The following MYH6 variants were observed in gnomAD, a reference collection of about 807,000 sequenced individuals.
MYH6 encodes the protein myosin heavy chain 6.
MYH6 carries 126 observed loss-of-function variants against 223.2 expected under a neutral mutation model. The observed-to-expected ratio is 0.56, with a 90% CI of 0.49 to 0.65. MYH6 has a LOEUF of 0.65. MYH6 is among the 30% of genes least tolerant of loss of function. The probability of loss-of-function intolerance (pLI) is 0.00; values close to 1 mark genes in which losing one functional copy is unlikely to be tolerated. For synonymous variants in MYH6, 978 were observed against 1,010.2 expected (o/e 0.97, Z 0.61); for missense variants, 2,040 against 2,536.4 (o/e 0.80, Z 4.20).
At chr14:23,408,210 T>C in intron 1 of MYH6, 43 bp downstream of exon 1, 1 of 985,132 alleles carries the variant, frequency 1.0e-6, no homozygotes, top group Non-Finnish European at 1.2e-6. Context: ...GTGGGGGCTC[T>C]GTGGACGGGC....
chr14:23,400,201 C>T lies in MYH6; in HGVS notation c.1581+55G>A, dbSNP rs768580082. On this transcript the variant is annotated intron_variant, in intron 14 of 38. Transcript: ENST00000405093. ...CTTGGGTGTAGAAGGGACTCAGCCA[C>T]CACTTTGTCTGGATGGCAGAGGAGG... The T allele has an allele frequency of 3.1e-6, 5 of 1,613,420 alleles. No individual in the cohort carries two copies. In the African/African-American group the frequency reaches 6.7e-5, roughly 22 times the overall value.
chr14:23,383,339 G>GGGGGCCCCCCCCC lies in MYH6; in HGVS notation c.5566-20_5566-19insGGGGGGGGGCCCC. 1.8e-5 allele frequency: 2 copies of GGGGGCCCCCCCCC among 108,160 alleles called. No homozygotes were observed. The highest frequency in any genetic ancestry group is 3.7e-5 in the Non-Finnish European group (2 of 54,354). 6.7% of individuals were successfully genotyped at this position (108,160 alleles called of 1,614,324 possible). ...CCTCTGTCTGGGGGTGGGAGGGTGG[G>GGGGGCCCCCCCCC]AGAAGCTGGTTTGGAGGGGGAGCAA... On this transcript the variant is annotated intron_variant, in intron 36 of 38. Coordinates refer to ENST00000405093, the MANE Select transcript of MYH6 (RefSeq NM_002471.4).
chr14:23,392,649 CT>C lies in MYH6; in HGVS notation c.3254del (p.Lys1085ArgfsTer26). 1 of 1,426,486 alleles carries C rather than the reference CT, an allele frequency of 7.0e-7. No homozygotes were observed. The highest frequency in any genetic ancestry group is 9.9e-7 in the Non-Finnish European group (1 of 1,013,944). 88.4% of individuals were successfully genotyped at this position (1,426,486 alleles called of 1,614,324 possible). A position where few individuals can be genotyped will look rare whatever the true frequency, so the allele number is the denominator to read the frequency against. On this transcript the variant is annotated frameshift_variant and splice_region_variant, in exon 25 of 39. Coordinates refer to ENST00000405093, the MANE Select transcript of MYH6 (RefSeq NM_002471.4). LOFTEE classifies it high-confidence loss of function. ...KLQLEEKLKK[K>X]EFDINQQNSK... is the part of the protein sequence containing the mutation. Reference sequence around the variant, plus strand: ...TGTTCTGCTGATTAATGTCAAACTCCTTCCTGCAGGAGAAGGGTGGGGGTGG... The same window carrying C: ...TGTTCTGCTGATTAATGTCAAACTCCTCCTGCAGGAGAAGGGTGGGGGTGG...
intron 31 of MYH6, 44 bp downstream of exon 31, chr14:23,387,714 C>G (rs1184506748): frequency 2.5e-6 from 4 of 1,613,928 alleles, no homozygotes; most frequent in Non-Finnish European, 1.7e-6. Context: ...GCATGGCCCT[C>G]CCTCCCACCA....
chr14:23,389,749 G>T, intron 26 of MYH6, 30 bp from the exon 27 acceptor site: 1 of 1,614,176 alleles, frequency 6.2e-7, no homozygotes, highest in Non-Finnish European at 8.5e-7. Context: ...AAGGGTGAGT[G>T]TGGGAGGGGC....
rs1175791487 is a variant in MYH6 at position 23,400,310 on chromosome 14, C to T, written c.1527G>A (p.Trp509Ter). Reference sequence around the variant, plus strand: ...GGTCCATGCCAAAGTCAATGAATGTCCACTCAATGCCCTCCTTCTTGTACT... The same window carrying T: ...GGTCCATGCCAAAGTCAATGAATGTTCACTCAATGCCCTCCTTCTTGTACT... Reference protein sequence around the residue: ...QEEYKKEGIEWTFIDFGMDLQ... With the variant: ...QEEYKKEGIE The change falls in exon 14 of 39, where the codon TGG becomes TGA. Residue 509 changes from tryptophan (W) to a stop codon, truncating the protein, a stop_gained. Coordinates refer to ENST00000405093, the MANE Select transcript of MYH6 (RefSeq NM_002471.4). LOFTEE classifies it high-confidence loss of function. 6.2e-7 allele frequency: 1 copy of T among 1,614,216 alleles called. No homozygotes were observed. Among genetic ancestry groups the T allele is most frequent in the East Asian group, 2.2e-5 (1 of 44,880 alleles).
In MYH6 at chr14:23,389,462, C is replaced by G. The variant is rs572682388; in HGVS notation, c.3909G>C (p.Leu1303=). ...GGGTATAAGAGAGCTTCCCCCGGGT[C>G]AGCTGCGAGATTAGCGCCTCCTTTT... ...LEEKEALISQ[L]TRGKLSYTQQ... Residue 1303 remains leucine, a synonymous_variant, in exon 28 of 39, where the codon CTG becomes CTC. Coordinates refer to ENST00000405093, the MANE Select transcript of MYH6 (RefSeq NM_002471.4). 4.6e-5 allele frequency: 74 copies of G among 1,614,210 alleles called. No homozygotes were observed. The South Asian group carries it at 5.1e-4, about 11-fold the overall frequency.
intron 1 of MYH6, 131 bp downstream of exon 1, chr14:23,408,122 G>A: frequency 1.8e-6 from 1 of 543,832 alleles, no homozygotes; most frequent in Non-Finnish European, 2.3e-6. Flanking sequence ...CCCTGGGCCT[G>A]GAGATAGGCA....
Position 23,389,587 on chromosome 14 carries a change from A to G in MYH6, c.3859+6T>C. 1 of 1,614,110 alleles carries G rather than the reference A, an allele frequency of 6.2e-7. No homozygotes were observed. Among genetic ancestry groups the G allele is most frequent in the Admixed American group, 1.7e-5 (1 of 60,018 alleles). The stretch of plus-strand genomic sequence containing the variant: ...CCTAGGCAGGGGGTTGGTTAGGGGC[A>G]CCCACCATTCTCGGTCTGCAGCTTG... On this transcript the variant is annotated splice_donor_region_variant and intron_variant, in intron 27 of 38. Coordinates refer to ENST00000405093, the MANE Select transcript of MYH6 (RefSeq NM_002471.4).
chr14:23,389,591 A>C lies in MYH6; in HGVS notation c.3859+2T>G, dbSNP rs112929519. 6.2e-7 allele frequency: 1 copy of C among 1,614,082 alleles called. No homozygotes were observed. The highest frequency in any genetic ancestry group is 1.1e-5 in the South Asian group (1 of 91,076). On this transcript the variant is annotated splice_donor_variant, in intron 27 of 38. Transcript: ENST00000405093. LOFTEE classifies it high-confidence loss of function. ...GGCAGGGGGTTGGTTAGGGGCACCC[A>C]CCATTCTCGGTCTGCAGCTTGGCTC...
intron 36 of MYH6, among the ~76,000 whole-genome samples, chr14:23,383,991 G>A (rs1196680116): frequency 2.0e-5 from 3 of 152,016 alleles, no homozygotes; most frequent in Non-Finnish European, 1.5e-5. Context: ...ACGGGCCAAG[G>A]GCACAGCTCT....
At chr14:23,382,997 A>G (rs1347620134) in intron 37 of MYH6, among the ~76,000 whole-genome samples, 1 of 152,158 alleles carries the variant, frequency 6.6e-6, no homozygotes, top group East Asian at 1.9e-4. Context: ...TAGCATCTAC[A>G]CTGCCTTCTG....
chr14:23,383,341 G>GGGGGGGGCCCCCCCCCCC, intron 36 of MYH6, 21 bp from the exon 37 acceptor site: 1 of 556,578 alleles, frequency 1.8e-6, no homozygotes, highest in Non-Finnish European at 3.3e-6. Flanking sequence ...GAGGGTGGGA[G>GGGGGGGGCCCCCCCCCCC]AAGCTGGTTT....
intron 14 of MYH6, chr14:23,399,802 T>C (rs1891542522): frequency 4.1e-6 from 1 of 245,462 alleles, no homozygotes; most frequent in African/African-American, 2.2e-5. Flanking sequence ...AGAGGTTCAC[T>C]GAGAGCAAGT....
rs776160056 is a variant in MYH6, at chr14:23,384,592, G to T, written c.5415C>A (p.Ile1805=). The T allele has an allele frequency of 6.2e-7, 1 of 1,613,740 alleles. No homozygotes were observed. The highest frequency in any genetic ancestry group is 2.2e-5 in the East Asian group (1 of 44,892). ...LQHRLDEAEQ[I]ALKGGKKQLQ... ...GCTGCTTCTTGCCTCCCTTGAGGGC[G>T]ATCTGCTCGGCCTCGTCCAGCCGGT... Residue 1805 remains isoleucine (I), a synonymous_variant, in exon 36 of 39, where the codon ATC becomes ATA. Coordinates refer to ENST00000405093, the MANE Select transcript of MYH6 (RefSeq NM_002471.4).
chr14:23,406,448 T>G (rs1218261387), intron 3 of MYH6, among the ~76,000 whole-genome samples: 1 of 152,136 alleles, frequency 6.6e-6, no homozygotes, highest in East Asian at 1.9e-4. Flanking sequence ...TACACTTCAA[T>G]GGGTTGTAAC....
chr14:23,402,625 GA>G (rs1891639133), intron 11 of MYH6, 23 bp from the exon 12 acceptor site: 1 of 1,613,734 alleles, frequency 6.2e-7, no homozygotes, highest in Non-Finnish European at 8.5e-7. Context: ...GAGAGACAAA[GA>G]GGGGGGTTGG....
intron 20 of MYH6, 45 bp from the exon 21 acceptor site, chr14:23,394,368 G>A: frequency 6.2e-7 from 1 of 1,612,406 alleles, no homozygotes; most frequent in Non-Finnish European, 8.5e-7. Context: ...ATAAAAGAGA[G>A]CTTCCCAATC....
chr14:23,391,259 C>A (rs1412704360), intron 25 of MYH6, among the ~76,000 whole-genome samples: 1 of 152,170 alleles, frequency 6.6e-6, no homozygotes. Context: ...TGGATGGGTC[C>A]TACAAGCAGC....
Sources: gnomAD v4.1 joint callset for allele counts (sites outside exome capture counted in the v4.1 genomes callset) on GRCh38, gnomAD v4.1.1 for gene constraint, MANE v1.5 for transcripts, NCBI Gene and HGNC (gene_info 2026-07-23, HGNC 2026-07-21) for gene names.